PTPRN2: variants seen among roughly 807,000 people sequenced by gnomAD.
PTPRN2 encodes the protein receptor-type tyrosine-protein phosphatase N2.
In PTPRN2, 74 loss-of-function variants were observed where a neutral mutation model predicts 118.8. The observed-to-expected ratio is 0.62, with a 90% CI of 0.52 to 0.76. The LOEUF is 0.76. PTPRN2 is among the 30% of genes least tolerant of loss of function. The pLI, the probability that PTPRN2 is intolerant of heterozygous loss-of-function variation, is 0.00. For synonymous variants in PTPRN2, 641 were observed against 608.0 expected (o/e 1.05, Z -0.80); for missense variants, 1,481 against 1,394.4 (o/e 1.06, Z -0.99).
chr7:158,282,414 C>T lies in PTPRN2; in HGVS notation c.277+34405G>A, dbSNP rs749525001. The stretch of plus-strand genomic sequence containing the variant: ...AATGTAGAAGTACTGCGGGGCCATG[C>T]GTCAGAGGTGTGTGGGTCTAGGAGA... On this transcript the variant is annotated intron_variant, in intron 3 of 22. Coordinates refer to ENST00000389418, the MANE Select transcript of PTPRN2 (RefSeq NM_002847.5). Among the ~76,000 whole-genome samples, 38 of 152,338 alleles carry T rather than the reference C, an allele frequency of 2.5e-4. No homozygotes were observed. The Middle Eastern group carries it at 0.017, about 68-fold the overall frequency.
chr7:158,498,853 A>T (rs1822148098), intron 1 of PTPRN2, among the ~76,000 whole-genome samples: 2 of 152,346 alleles, frequency 1.3e-5, no homozygotes, highest in African/African-American at 4.8e-5. Context: ...GACCCATGAA[A>T]GAACAGTACC....
chr7:157,648,763 G>A (rs1457109793), intron 14 of PTPRN2, among the ~76,000 whole-genome samples: 2 of 146,262 alleles, frequency 1.4e-5, no homozygotes, highest in Non-Finnish European at 3.0e-5. Context: ...ACTGAACTCG[G>A]TGGGTCGGAC....
intron 3 of PTPRN2, among the ~76,000 whole-genome samples, chr7:158,283,490 G>A (rs779105653): frequency 2.7e-4 from 41 of 152,160 alleles, no homozygotes; most frequent in Admixed American, 2.0e-3. Flanking sequence ...CCGCAGGGAC[G>A]GGAGCTCTGA....
At chr7:157,639,171 G>A (rs1444291889) in intron 14 of PTPRN2, among the ~76,000 whole-genome samples, 1 of 151,940 alleles carries the variant, frequency 6.6e-6, no homozygotes, top group Non-Finnish European at 1.5e-5. Context: ...TGAGTAGCTG[G>A]GATTATAGGC....
chr7:158,461,155 A>T (rs551521046), intron 2 of PTPRN2, among the ~76,000 whole-genome samples: 12 of 152,160 alleles, frequency 7.9e-5, no homozygotes, highest in Non-Finnish European at 1.8e-4. Context: ...CAAATTTCCA[A>T]ATTCCCAGTC....
At chr7:157,545,366 C>T (rs559831465) in intron 22 of PTPRN2, among the ~76,000 whole-genome samples, 13 of 138,188 alleles carry the variant, frequency 9.4e-5, no homozygotes, top group African/African-American at 1.7e-4. Context: ...CATGGGGATG[C>T]GCAGTGTGTG....
intron 3 of PTPRN2, among the ~76,000 whole-genome samples, chr7:158,271,149 A>G (rs1275355139): frequency 7.1e-6 from 1 of 140,418 alleles, no homozygotes; most frequent in Non-Finnish European, 1.6e-5. Flanking sequence ...CAGAGGGAGT[A>G]ACTGTGGGAT....
At chr7:158,328,273 A>G (rs1803816807) in intron 2 of PTPRN2, among the ~76,000 whole-genome samples, 1 of 152,200 alleles carries the variant, frequency 6.6e-6, no homozygotes, top group African/African-American at 2.4e-5. Context: ...CTGGCTCACC[A>G]CACACCCAGG....
At chr7:157,549,999 G>T (rs564063639) in intron 21 of PTPRN2, among the ~76,000 whole-genome samples, 53 of 152,346 alleles carry the variant, frequency 3.5e-4, no homozygotes, top group African/African-American at 1.3e-3. Context: ...CAGACAGGAA[G>T]AAGCCGCAGC....
rs190629872 is a variant in PTPRN2, at chr7:158,165,643, T to C, written c.910+1288A>G. On this transcript the variant is annotated intron_variant, in intron 6 of 22. Coordinates refer to ENST00000389418, the MANE Select transcript of PTPRN2 (RefSeq NM_002847.5). ...CAGCCTTCACTTAAGGAGCAGAGAG[T>C]GCTCACATAACGCGATGCTCAGGCA... is the stretch of plus-strand genomic sequence containing the variant. Among the ~76,000 whole-genome samples the C allele has an allele frequency of 1.5e-3, 222 of 152,304 alleles. 2 individuals are homozygous for C. The highest frequency in any genetic ancestry group is 1.3e-3 in the Non-Finnish European group (90 of 68,018).
At position 157,990,552 on chromosome 7, in the gene PTPRN2, G is replaced by C. The variant is rs1482109175; in HGVS notation, c.1723+90746C>G. Among the ~76,000 whole-genome samples, 1 of 152,192 alleles carries C rather than the reference G, an allele frequency of 6.6e-6. No individual in the cohort carries two copies. The highest frequency in any genetic ancestry group is 1.5e-5 in the Non-Finnish European group (1 of 68,034). On this transcript the variant is annotated intron_variant, in intron 11 of 22. Coordinates refer to ENST00000389418, the MANE Select transcript of PTPRN2 (RefSeq NM_002847.5). This position sits in a 1 kb window ranked among gnomAD's most constrained non-coding sequence, Gnocchi z 4.3. ...CCACCTCTGGCAAGTTCTGGGCAGG[G>C]GGAGAGCGACACAAGGCAAGGGAGG... is the stretch of plus-strand genomic sequence containing the variant.
In PTPRN2 at chr7:158,514,105, A is replaced by G. The variant is rs1248183663; in HGVS notation, c.113-24320T>C. Among the ~76,000 whole-genome samples, 3 of 152,136 alleles carry G rather than the reference A, an allele frequency of 2.0e-5. No individual in the cohort carries two copies. The East Asian group carries it at 5.8e-4, about 29-fold the overall frequency. ...GGCGGATGGAAGCCTACAACCCTCA[A>G]TCAGTAACAGCTTGCTGTTTCGTCC... On this transcript the variant is annotated intron_variant, in intron 1 of 22. Coordinates refer to ENST00000389418, the MANE Select transcript of PTPRN2 (RefSeq NM_002847.5).
intron 5 of PTPRN2, among the ~76,000 whole-genome samples, chr7:158,191,830 C>A (rs1308266177): frequency 6.6e-6 from 1 of 152,080 alleles, no homozygotes; most frequent in African/African-American, 2.4e-5. Flanking sequence ...GCAGATGGAG[C>A]CCTTACGCTG....
chr7:157,615,465 G>C lies in PTPRN2; in HGVS notation c.2344+5897C>G, dbSNP rs1217525270. 1 of 471,082 alleles carries C rather than the reference G, an allele frequency of 2.1e-6. No homozygotes were observed. 29.2% of individuals were successfully genotyped at this position (471,082 alleles called of 1,614,324 possible). A position where few individuals can be genotyped will look rare whatever the true frequency, so the allele number is the denominator to read the frequency against. ...AGGTGTTTAGCCCCGAGCCTCACGT[G>C]GAAACATCTGATGAGCCTTTGCCAA... On this transcript the variant is annotated intron_variant, in intron 15 of 22. Coordinates refer to ENST00000389418, the MANE Select transcript of PTPRN2 (RefSeq NM_002847.5). The surrounding 1 kb of genome is among the most constrained non-coding windows in gnomAD (Gnocchi z 4.3).
chr7:158,432,616 C>G (rs1369007913), intron 2 of PTPRN2, among the ~76,000 whole-genome samples: 3 of 152,198 alleles, frequency 2.0e-5, no homozygotes, highest in Non-Finnish European at 2.9e-5. Context: ...AAACAAACAA[C>G]AGCTATTAGA....
At position 157,923,322 on chromosome 7, in the gene PTPRN2, G is replaced by A. The variant is rs556296053; in HGVS notation, c.1724-24585C>T. 2.2e-3 allele frequency among the ~76,000 whole-genome samples: 328 copies of A among 152,314 alleles called. 3 individuals are homozygous for A. The highest frequency in any genetic ancestry group is 1.9e-3 in the Non-Finnish European group (129 of 68,024). On this transcript the variant is annotated intron_variant, in intron 11 of 22. Transcript: ENST00000389418. ...ATGCTTGTGACTGAGAAAACAACAGGTGGGTGTGTTCTGGCAGGGCAAGAA... is the reference window on the plus strand; with the variant it reads ...ATGCTTGTGACTGAGAAAACAACAGATGGGTGTGTTCTGGCAGGGCAAGAA...
At chr7:157,998,104 G>C (rs578246413) in intron 11 of PTPRN2, among the ~76,000 whole-genome samples, 5 of 94,846 alleles carry the variant, frequency 5.3e-5, no homozygotes, top group African/African-American at 1.2e-4. Flanking sequence ...AGTACAGGGC[G>C]AGGGGGAGAG....
chr7:157,594,630 G>A (rs1259909074), intron 17 of PTPRN2, among the ~76,000 whole-genome samples: 4 of 152,250 alleles, frequency 2.6e-5, no homozygotes, highest in Non-Finnish European at 5.9e-5. Flanking sequence ...TCACGGCCAC[G>A]TTCCAGGTTC....
intron 12 of PTPRN2, among the ~76,000 whole-genome samples, chr7:157,756,792 GAA>G (rs35163250): frequency 2.1e-4 from 28 of 133,946 alleles, no homozygotes; most frequent in African/African-American, 7.3e-4. Context: ...GAGAAGGGAG[GAA>G]AAAAAAAAAA....
Sources: gnomAD v4.1 joint callset for allele counts (sites outside exome capture counted in the v4.1 genomes callset) on GRCh38, gnomAD v4.1.1 for gene constraint, Gnocchi (gnomAD v3.1) non-coding constraint, MANE v1.5 for transcripts, NCBI Gene and HGNC (gene_info 2026-07-23, HGNC 2026-07-21) for gene names.